Variants in CFAP53 observed in about 807,000 individuals in gnomAD.
CFAP53 encodes cilia and flagella associated protein 53, also known as cilia- and flagella-associated protein 53.
A neutral mutation model predicts 59.7 loss-of-function variants in CFAP53; 62 were observed. The observed-to-expected ratio is 1.04, with a 90% CI of 0.85 to 1.28. The LOEUF is 1.28. Ranked by LOEUF, CFAP53 falls within the 50% of genes most tolerant of loss-of-function variation. The probability of loss-of-function intolerance (pLI) is 0.00; values close to 1 mark genes in which losing one functional copy is unlikely to be tolerated. For synonymous variants in CFAP53, 218 were observed against 205.7 expected, an observed-to-expected ratio of 1.06 and a Z score of -0.51; for missense variants, 629 against 615.6, an observed-to-expected ratio of 1.02 and a Z score of -0.23.
At chr18:50,245,400 A>C (rs1390897147) in intron 5 of CFAP53, among the ~76,000 whole-genome samples, 2 of 151,418 alleles carry the variant, frequency 1.3e-5, no homozygotes, top group African/African-American at 4.9e-5. Context: ...AAAAAAAAAA[A>C]AAAAAAAAAC....
At position 50,227,512 on chromosome 18, in the gene CFAP53, C is replaced by T. The variant is rs1568148536; in HGVS notation, c.1414G>A (p.Glu472Lys). The T allele has an allele frequency of 1.2e-6, 2 of 1,614,178 alleles. No individual in the cohort carries two copies. Among genetic ancestry groups the T allele is most frequent in the Non-Finnish European group, 1.7e-6 (2 of 1,180,026 alleles). ...QEAEKEEKRR[E>K]FEAGVAANKM... ...TTTGCTGCTACACCTGCTTCAAACT[C>T]TCGGCGTTTCTCTTCCTTCTCTGCT... Residue 472 changes from glutamate (E) to lysine (K), a missense_variant, in exon 8 of 8, where the codon GAG becomes AAG. By Grantham distance (56) the Glu-to-Lys change is moderately conservative. Coordinates refer to ENST00000398545, the MANE Select transcript of CFAP53 (RefSeq NM_145020.5).
rs895980011 is a variant in CFAP53, at chr18:50,251,528, G to C, written c.730C>G (p.Gln244Glu). 4 of 1,613,982 alleles carry C rather than the reference G, an allele frequency of 2.5e-6. No individual in the cohort carries two copies. The highest frequency in any genetic ancestry group is 1.3e-5 in the African/African-American group (1 of 74,928). The change falls in exon 4 of 8, where the codon CAA becomes GAA. Residue 244 changes from glutamine to glutamate, a missense_variant. Gln to Glu is a conservative substitution (Grantham distance 29, BLOSUM62 2). Transcript: ENST00000398545. ...LNAQITSIKA[Q>E]RQATQLLKEE... ...TTCAGCAGCTGTGTCGCCTGCCTTTGTGCCTTGATGCTGGTGATCTGGGCA... is the reference window on the plus strand; with the variant it reads ...TTCAGCAGCTGTGTCGCCTGCCTTTCTGCCTTGATGCTGGTGATCTGGGCA...
At chr18:50,228,688 G>C (rs1252733812) in intron 7 of CFAP53, among the ~76,000 whole-genome samples, 1 of 152,060 alleles carries the variant, frequency 6.6e-6, no homozygotes, top group East Asian at 1.9e-4. Context: ...CTACTCAGGA[G>C]GCTGAGGCAG....
intron 5 of CFAP53, among the ~76,000 whole-genome samples, chr18:50,248,182 T>C (rs77019129): frequency 2.2e-4 from 33 of 149,784 alleles, no homozygotes; most frequent in African/African-American, 6.6e-4. Flanking sequence ...AGACATTTCA[T>C]TGAAGAAGAC....
In CFAP53 at chr18:50,227,208, C is replaced by A. The variant is rs2033531770; in HGVS notation, c.*173G>T. Reference sequence around the variant, plus strand: ...AAGTAGATCATTTGGATTTGTAAGTCTGTGAACTCCAAAATAGGCACAGGT... The same window carrying A: ...AAGTAGATCATTTGGATTTGTAAGTATGTGAACTCCAAAATAGGCACAGGT... On this transcript the variant is annotated 3_prime_UTR_variant, in exon 8 of 8. Coordinates refer to ENST00000398545, the MANE Select transcript of CFAP53 (RefSeq NM_145020.5). The A allele has an allele frequency of 3.4e-6, 2 of 581,838 alleles. No individual in the cohort carries two copies. The highest frequency in any genetic ancestry group is 5.6e-5 in the East Asian group (2 of 35,600). 36.0% of individuals were successfully genotyped at this position (581,838 alleles called of 1,614,324 possible).
intron 3 of CFAP53, among the ~76,000 whole-genome samples, chr18:50,257,825 T>C (rs2033858937): frequency 6.6e-6 from 1 of 151,932 alleles, no homozygotes; most frequent in Non-Finnish European, 1.5e-5. Flanking sequence ...AGACTAGGAG[T>C]TCGACACCAG....
At chr18:50,234,479 C>G (rs1271345080) in intron 7 of CFAP53, among the ~76,000 whole-genome samples, 1 of 152,176 alleles carries the variant, frequency 6.6e-6, no homozygotes, top group African/African-American at 2.4e-5. Context: ...ACATTTGATC[C>G]CTGGGGACCA....
At chr18:50,251,369 A>G (rs2033797402) in intron 4 of CFAP53, 112 bp downstream of exon 4, 6 of 915,372 alleles carry the variant, frequency 6.6e-6, no homozygotes, top group South Asian at 1.6e-5. Flanking sequence ...AAAAATGGAA[A>G]TGTGCCTGTG....
chr18:50,266,433 C>T lies in CFAP53; in HGVS notation c.-29G>A. ...CGAGTCCCCTTCGGGACGGGGGCGG[C>T]GTCCGCCGCGTTTCCCCCAACCGTG... On this transcript the variant is annotated 5_prime_UTR_variant, in exon 1 of 8. Transcript: ENST00000398545. The T allele has an allele frequency of 1.9e-6, 3 of 1,611,102 alleles. No homozygotes were observed. The highest frequency in any genetic ancestry group is 1.1e-5 in the South Asian group (1 of 91,044).
chr18:50,248,200 T>C (rs532524461), intron 5 of CFAP53, among the ~76,000 whole-genome samples: 52 of 149,226 alleles, frequency 3.5e-4, no homozygotes, highest in African/African-American at 1.2e-3. Flanking sequence ...GACATACAGA[T>C]AGAAAACAGG....
chr18:50,227,955 C>CTTTGTT (rs2033542062), intron 7 of CFAP53, among the ~76,000 whole-genome samples: 1 of 90,090 alleles, frequency 1.1e-5, no homozygotes, highest in Non-Finnish European at 1.9e-5. Context: ...AACTTTTCTC[C>CTTTGTT]TTTTTTTTTT....
Position 50,250,969 on chromosome 18 carries a change from T to C in CFAP53, c.785A>G (p.Asn262Ser). The change falls in exon 5 of 8, where the codon AAC becomes AGC. Residue 262 changes from asparagine to serine, a missense_variant. Transcript: ENST00000398545. Reference sequence around the variant, plus strand: ...ATTCTCATGTTTAATCTGTGCGTTGTTACTTTCCTAAGGTAGAATCATAAT... The same window carrying C: ...ATTCTCATGTTTAATCTGTGCGTTGCTACTTTCCTAAGGTAGAATCATAAT... ...KEEEARLVES[N>S]NAQIKHENEQ... The C allele has an allele frequency of 6.2e-7, 1 of 1,613,658 alleles. No homozygotes were observed. The highest frequency in any genetic ancestry group is 8.5e-7 in the Non-Finnish European group (1 of 1,179,648).
intron 5 of CFAP53, among the ~76,000 whole-genome samples, chr18:50,244,090 A>G (rs1398991368): frequency 6.6e-6 from 1 of 152,232 alleles, no homozygotes; most frequent in Non-Finnish European, 1.5e-5. Context: ...TATTTAGCGC[A>G]GGCATTTTTA....
At chr18:50,253,217 C>T (rs1234190535) in intron 3 of CFAP53, among the ~76,000 whole-genome samples, 2 of 152,048 alleles carry the variant, frequency 1.3e-5, no homozygotes, top group Non-Finnish European at 1.5e-5. Flanking sequence ...GGGGTTTCAC[C>T]GTGTTACCCA....
At chr18:50,251,101 C>A in intron 4 of CFAP53, 125 bp from the exon 5 acceptor site, 1 of 824,122 alleles carries the variant, frequency 1.2e-6, no homozygotes, top group South Asian at 1.7e-5. Context: ...TTTAGAGAGG[C>A]TGTAAGAAAG....
At chr18:50,262,784 AGTT>A (rs1406661671) in intron 1 of CFAP53, among the ~76,000 whole-genome samples, 1 of 152,166 alleles carries the variant, frequency 6.6e-6, no homozygotes, top group Non-Finnish European at 1.5e-5. Context: ...ATATATAACG[AGTT>A]GTGATAATGA....
chr18:50,262,107 C>A lies in CFAP53; in HGVS notation c.182G>T (p.Arg61Leu), dbSNP rs762613428. The A allele has an allele frequency of 6.2e-7, 1 of 1,614,170 alleles. No individual in the cohort carries two copies. The highest frequency in any genetic ancestry group is 8.5e-7 in the Non-Finnish European group (1 of 1,180,006). ...GTGCTGGTCCCACTCAGCTTTCAAG[C>A]GATCCCGCTCACTTGACTTAATGGA... Reference protein sequence around the residue: ...LASIKSSERDRLKAEWDQHND... With the variant: ...LASIKSSERDLLKAEWDQHND... Residue 61 changes from arginine to leucine, a missense_variant, in exon 2 of 8, where the codon CGC becomes CTC. Transcript: ENST00000398545.
chr18:50,242,800 T>C, intron 6 of CFAP53, 100 bp downstream of exon 6: 4 of 958,336 alleles, frequency 4.2e-6, no homozygotes, highest in Non-Finnish European at 6.5e-6. Flanking sequence ...GCATCCCTCA[T>C]GGTGTTTTAC....
chr18:50,262,277 C>CA, intron 1 of CFAP53, 58 bp from the exon 2 acceptor site: 1 of 1,411,156 alleles, frequency 7.1e-7, no homozygotes, highest in Non-Finnish European at 1.0e-6. Context: ...TGCATATTTT[C>CA]AATTAGTTAT....
Sources: gnomAD v4.1 joint callset for allele counts (sites outside exome capture counted in the v4.1 genomes callset) on GRCh38, gnomAD v4.1.1 for gene constraint, MANE v1.5 for transcripts, NCBI Gene and HGNC (gene_info 2026-07-23, HGNC 2026-07-21) for gene names.